The following ROR2 variants were observed in gnomAD, a reference collection of about 807,000 sequenced individuals.
ROR2 encodes the protein tyrosine-protein kinase transmembrane receptor ROR2.
In ROR2, 33 loss-of-function variants were observed where a neutral mutation model predicts 74.9. The ratio of observed to expected loss-of-function variants is 0.44; its 90% CI spans 0.33 to 0.59. The LOEUF (loss-of-function observed/expected upper bound fraction) is 0.59, where lower values mean the gene tolerates loss of function less well. Ranked by LOEUF, ROR2 falls within the 20% of genes least tolerant of loss-of-function variation. The pLI is 0.02. For missense variants in ROR2, 1,216 were observed against 1,313.8 expected (o/e 0.93, Z 1.15); for synonymous variants, 586 against 558.7 (o/e 1.05, Z -0.69).
In ROR2 at chr9:91,774,457, T is replaced by G. The variant is rs1335124723; in HGVS notation, c.175+1284A>C. ...GCTCTATCCCTCAATGTGATGATAT[T>G]TGCAGGTGAGGCCTTTGGAAGGTAA... On this transcript the variant is annotated intron_variant, in intron 2 of 8. Transcript: ENST00000375708. Among the ~76,000 whole-genome samples, 2 of 152,212 alleles carry G rather than the reference T, an allele frequency of 1.3e-5. 1 individual carries two copies. The highest frequency in any genetic ancestry group is 3.8e-4 in the East Asian group (2 of 5,196).
At chr9:91,904,166 G>A (rs1283469311) in intron 1 of ROR2, among the ~76,000 whole-genome samples, 3 of 151,762 alleles carry the variant, frequency 2.0e-5, no homozygotes, top group African/African-American at 7.3e-5. Flanking sequence ...TCAGCCTCCC[G>A]AGTAGCTGGG....
chr9:91,908,175 C>T (rs1270396651), intron 1 of ROR2, among the ~76,000 whole-genome samples: 3 of 152,182 alleles, frequency 2.0e-5, no homozygotes, highest in East Asian at 3.9e-4. Context: ...TCCCTGGTTT[C>T]CATCTTGGTC....
chr9:91,948,057 T>A (rs1013515396), intron 1 of ROR2, among the ~76,000 whole-genome samples: 1 of 152,312 alleles, frequency 6.6e-6, no homozygotes, highest in Admixed American at 6.5e-5. Context: ...TTTGTTCATA[T>A]AAGACATTTG....
intron 1 of ROR2, among the ~76,000 whole-genome samples, chr9:91,893,803 C>G (rs1259529754): frequency 6.6e-6 from 1 of 152,170 alleles, no homozygotes; most frequent in Non-Finnish European, 1.5e-5. Context: ...CTGCCACACT[C>G]TCCTGCCATT....
chr9:91,943,805 T>G (rs185013761), intron 1 of ROR2, among the ~76,000 whole-genome samples: 1 of 152,350 alleles, frequency 6.6e-6, no homozygotes, highest in Non-Finnish European at 1.5e-5. Context: ...CTATTCTTAG[T>G]GATTTATTTT....
chr9:91,806,905 G>A (rs963985059), intron 1 of ROR2, among the ~76,000 whole-genome samples: 1 of 152,146 alleles, frequency 6.6e-6, no homozygotes, highest in African/African-American at 2.4e-5. Flanking sequence ...ATTGAGTTTT[G>A]TCCACAGCTC....
intron 1 of ROR2, among the ~76,000 whole-genome samples, chr9:91,806,486 C>A (rs1472580444): frequency 6.6e-6 from 1 of 152,216 alleles, no homozygotes; most frequent in African/African-American, 2.4e-5. Context: ...AGGCATTTTA[C>A]GGAGACACAA....
chr9:91,730,882 A>T, intron 7 of ROR2, 28 bp downstream of exon 7: 1 of 1,613,872 alleles, frequency 6.2e-7, no homozygotes, highest in South Asian at 1.1e-5. Flanking sequence ...CAATCAACAC[A>T]TTAAAAAAAG....
intron 1 of ROR2, among the ~76,000 whole-genome samples, chr9:91,929,513 G>A (rs1307118487): frequency 6.6e-6 from 1 of 152,196 alleles, no homozygotes; most frequent in Non-Finnish European, 1.5e-5. Flanking sequence ...TCAAGAGACT[G>A]AGGCAACACC....
At chr9:91,871,836 G>C (rs1829807717) in intron 1 of ROR2, among the ~76,000 whole-genome samples, 2 of 152,140 alleles carry the variant, frequency 1.3e-5, no homozygotes, top group African/African-American at 2.4e-5. Flanking sequence ...CTTGGGTCGA[G>C]AGACCCCCCC....
At chr9:91,754,414 T>C (rs976788673) in intron 4 of ROR2, among the ~76,000 whole-genome samples, 3 of 152,046 alleles carry the variant, frequency 2.0e-5, no homozygotes, top group Non-Finnish European at 2.9e-5. Context: ...CTCAGCACTT[T>C]GGGAGGCCAA....
intron 1 of ROR2, among the ~76,000 whole-genome samples, chr9:91,854,835 TTAAA>T (rs1213729955): frequency 6.6e-6 from 1 of 152,204 alleles, no homozygotes; most frequent in Non-Finnish European, 1.5e-5. Context: ...AGAGTGCTGT[TTAAA>T]TAGCATTGCC....
chr9:91,871,924 G>A (rs1829810588), intron 1 of ROR2, among the ~76,000 whole-genome samples: 1 of 152,098 alleles, frequency 6.6e-6, no homozygotes, highest in Admixed American at 6.5e-5. Flanking sequence ...TCAGATGACT[G>A]CAGCCCCCAC....
At chr9:91,859,970 T>C (rs1239535237) in intron 1 of ROR2, among the ~76,000 whole-genome samples, 1 of 152,154 alleles carries the variant, frequency 6.6e-6, no homozygotes, top group African/African-American at 2.4e-5. Flanking sequence ...GTGTGCTCAG[T>C]CCTGCGGGCC....
intron 5 of ROR2, among the ~76,000 whole-genome samples, chr9:91,737,188 T>C (rs1382133775): frequency 6.6e-6 from 1 of 152,190 alleles, no homozygotes; most frequent in Non-Finnish European, 1.5e-5. Context: ...AATTTAAACA[T>C]ACAGGCCAGG....
chr9:91,896,329 G>A (rs1425350456), intron 1 of ROR2, among the ~76,000 whole-genome samples: 1 of 152,104 alleles, frequency 6.6e-6, no homozygotes, highest in Admixed American at 6.5e-5. Context: ...TGGTTCCCCC[G>A]CTTCCCCACA....
intron 1 of ROR2, among the ~76,000 whole-genome samples, chr9:91,912,718 TTAAA>T (rs139414094): frequency 0.021 from 3,255 of 152,294 alleles, 120 homozygotes; most frequent in African/African-American, 0.074. Flanking sequence ...TAACTATTCC[TTAAA>T]TAATTTTTAA....
At chr9:91,931,620 A>T (rs1402221662) in intron 1 of ROR2, among the ~76,000 whole-genome samples, 1 of 151,774 alleles carries the variant, frequency 6.6e-6, no homozygotes, top group Non-Finnish European at 1.5e-5. Context: ...TAAGCCATTT[A>T]AAAAAAAATC....
At chr9:91,817,679 G>A (rs1827989111) in intron 1 of ROR2, among the ~76,000 whole-genome samples, 1 of 152,320 alleles carries the variant, frequency 6.6e-6, no homozygotes, top group African/African-American at 2.4e-5. Context: ...GGGCCTCCTG[G>A]GTCCTGCAGT....
Sources: gnomAD v4.1 joint callset for allele counts (sites outside exome capture counted in the v4.1 genomes callset) on GRCh38, gnomAD v4.1.1 for gene constraint, MANE v1.5 for transcripts, NCBI Gene and HGNC (gene_info 2026-07-23, HGNC 2026-07-21) for gene names.